The following SAMD12 variants were observed in gnomAD, a reference collection of about 807,000 sequenced individuals.
SAMD12 encodes the protein sterile alpha motif domain-containing protein 12.
In SAMD12, 9 loss-of-function variants were observed where a neutral mutation model predicts 15.0. The observed-to-expected ratio is 0.60, with a 90% CI of 0.36 to 1.05. The LOEUF is 1.05. Among genes scored for constraint, SAMD12 ranks in the 50% least tolerant of loss-of-function variants. The pLI is 0.01. For missense variants in SAMD12, 230 were observed against 234.2 expected, an observed-to-expected ratio of 0.98 and a Z score of 0.12; for synonymous variants, 86 against 90.1, an observed-to-expected ratio of 0.96 and a Z score of 0.25.
intron 4 of SAMD12, among the ~76,000 whole-genome samples, chr8:118,242,869 A>G (rs1812605574): frequency 6.6e-6 from 1 of 152,172 alleles, no homozygotes; most frequent in African/African-American, 2.4e-5. Context: ...CTTTACATCC[A>G]TCAGATTGGC....
chr8:118,549,370 C>T (rs1826247091), intron 2 of SAMD12, among the ~76,000 whole-genome samples: 1 of 152,226 alleles, frequency 6.6e-6, no homozygotes. Context: ...ATTCGTGGTT[C>T]ACGAAAAACC....
intron 3 of SAMD12, among the ~76,000 whole-genome samples, chr8:118,420,377 G>A (rs562271897): frequency 1.3e-5 from 2 of 152,248 alleles, no homozygotes; most frequent in South Asian, 2.1e-4. Flanking sequence ...CCAAAGAAGC[G>A]GGGACAGGGG....
chr8:118,337,973 G>A (rs1431466219), intron 4 of SAMD12, among the ~76,000 whole-genome samples: 1 of 152,174 alleles, frequency 6.6e-6, no homozygotes, highest in East Asian at 1.9e-4. Context: ...CTATACATAG[G>A]ATGCCAGTTT....
rs540701529 is a variant in SAMD12 at position 118,273,506 on chromosome 8, G to A, written c.434-75774C>T. ...CAGCTTTTATATAAGTTTCCCCACT[G>A]AATTTTATTTAAGAGAAAGATCCAC... is the stretch of plus-strand genomic sequence containing the variant. On this transcript the variant is annotated intron_variant, in intron 4 of 4. Coordinates refer to the SAMD12 transcript ENST00000409003. Among the ~76,000 whole-genome samples the A allele has an allele frequency of 4.6e-5, 7 of 152,266 alleles. No individual in the cohort carries two copies. In the South Asian group the frequency reaches 1.5e-3, roughly 32 times the overall value.
At chr8:118,326,575 T>C (rs1281459046) in intron 4 of SAMD12, among the ~76,000 whole-genome samples, 2 of 152,158 alleles carry the variant, frequency 1.3e-5, no homozygotes, top group Non-Finnish European at 2.9e-5. Flanking sequence ...TCAATCTGTA[T>C]ATGAATTGAT....
chr8:118,600,637 C>G (rs1317745313), intron 1 of SAMD12, among the ~76,000 whole-genome samples: 1 of 152,324 alleles, frequency 6.6e-6, no homozygotes, highest in South Asian at 2.1e-4. Flanking sequence ...AGCCTTGAGA[C>G]CACCATGTTA....
intron 2 of SAMD12, among the ~76,000 whole-genome samples, chr8:118,493,218 T>C (rs1003138625): frequency 1.3e-5 from 2 of 152,182 alleles, no homozygotes; most frequent in African/African-American, 4.8e-5. Flanking sequence ...AGGGTCACCC[T>C]TGAATTCTCC....
intron 1 of SAMD12, among the ~76,000 whole-genome samples, chr8:118,593,197 T>C (rs1164299914): frequency 6.6e-6 from 1 of 152,200 alleles, no homozygotes; most frequent in African/African-American, 2.4e-5. Context: ...AAATGAGAGA[T>C]ATAATGATGA....
chr8:118,324,101 G>A (rs1438054292), intron 4 of SAMD12, among the ~76,000 whole-genome samples: 3 of 152,056 alleles, frequency 2.0e-5, no homozygotes, highest in Non-Finnish European at 4.4e-5. Flanking sequence ...CTATGTGCAT[G>A]TCTATTTTTA....
chr8:118,472,029 TG>T (rs147725021), intron 2 of SAMD12, among the ~76,000 whole-genome samples: 3,389 of 152,240 alleles, frequency 0.022, 119 homozygotes, highest in African/African-American at 0.077. Flanking sequence ...GGCTCACGCC[TG>T]TAATCCCAGC....
chr8:118,137,109 C>T, the SAMD12 span, among the ~76,000 whole-genome samples: 2 of 152,274 alleles, frequency 1.3e-5, no homozygotes, highest in East Asian at 3.9e-4. Context: ...GCTCCAGGGC[C>T]CCAGTTACAG....
intron 4 of SAMD12, among the ~76,000 whole-genome samples, chr8:118,265,137 G>A (rs1051868580): frequency 3.3e-5 from 5 of 152,074 alleles, no homozygotes; most frequent in Non-Finnish European, 5.9e-5. Context: ...CCCACAACTG[G>A]CTAATTGGTT....
intron 1 of SAMD12, among the ~76,000 whole-genome samples, chr8:118,586,647 C>G (rs1438344306): frequency 6.6e-6 from 1 of 152,132 alleles, no homozygotes; most frequent in African/African-American, 2.4e-5. Context: ...CCAGCCACCT[C>G]TTTTTCTTAT....
At chr8:118,170,490 T>C in the SAMD12 span, among the ~76,000 whole-genome samples, 1 of 152,298 alleles carries the variant, frequency 6.6e-6, no homozygotes, top group East Asian at 1.9e-4. Flanking sequence ...TTTTGAGAAG[T>C]ATGTAAGGCA....
At chr8:118,557,451 A>G (rs1021111188) in intron 2 of SAMD12, among the ~76,000 whole-genome samples, 2 of 152,208 alleles carry the variant, frequency 1.3e-5, no homozygotes, top group East Asian at 3.8e-4. Context: ...AGGAAGGTTC[A>G]TTTTGATTGG....
intron 4 of SAMD12, among the ~76,000 whole-genome samples, chr8:118,289,489 C>T (rs960439018): frequency 6.6e-6 from 1 of 152,156 alleles, no homozygotes; most frequent in Non-Finnish European, 1.5e-5. Context: ...GTCTAGGTGG[C>T]ATTCAGCAAA....
intron 4 of SAMD12, among the ~76,000 whole-genome samples, chr8:118,307,266 A>G (rs1183713778): frequency 6.6e-6 from 1 of 152,204 alleles, no homozygotes; most frequent in Non-Finnish European, 1.5e-5. Flanking sequence ...GACTTCTGGA[A>G]TGGTGGCTCC....
intron 2 of SAMD12, among the ~76,000 whole-genome samples, chr8:118,487,111 C>G (rs1402495722): frequency 6.6e-6 from 1 of 152,144 alleles, no homozygotes; most frequent in Admixed American, 6.5e-5. Context: ...GTGGGGCAAA[C>G]AGAATCCCCA....
At chr8:118,464,111 T>G (rs1823516287) in intron 2 of SAMD12, among the ~76,000 whole-genome samples, 1 of 152,210 alleles carries the variant, frequency 6.6e-6, no homozygotes, top group African/African-American at 2.4e-5. Flanking sequence ...TTCAATTATA[T>G]ACTGTCCTTT....
Sources: gnomAD v4.1 joint callset for allele counts (sites outside exome capture counted in the v4.1 genomes callset) on GRCh38, gnomAD v4.1.1 for gene constraint, MANE v1.5 for transcripts, NCBI Gene and HGNC (gene_info 2026-07-23, HGNC 2026-07-21) for gene names.